The following NUDCD3 variants were observed in gnomAD, a reference collection of about 807,000 sequenced individuals.
The protein encoded by NUDCD3 is nudC domain-containing protein 3.
NUDCD3 carries 13 observed loss-of-function variants against 39.7 expected under a neutral mutation model. The ratio of observed to expected loss-of-function variants is 0.33; its 90% CI spans 0.21 to 0.52. NUDCD3 has a LOEUF of 0.52. NUDCD3 is among the 20% of genes least tolerant of loss of function. The pLI is 0.96. For missense variants in NUDCD3, 453 were observed against 458.1 expected (o/e 0.99, Z 0.10); for synonymous variants, 175 against 172.4 (o/e 1.02, Z -0.12).
In NUDCD3 at chr7:44,425,420, A is replaced by T. The variant is rs1020728042; in HGVS notation, c.642+2151T>A. 6.6e-5 allele frequency among the ~76,000 whole-genome samples: 10 copies of T among 152,280 alleles called. 1 individual carries two copies. The highest frequency in any genetic ancestry group is 5.8e-4 in the East Asian group (3 of 5,186). On this transcript the variant is annotated intron_variant, in intron 3 of 5. Coordinates refer to ENST00000355451, the MANE Select transcript of NUDCD3 (RefSeq NM_015332.4). ...GGATACAGTTTCTGGCATATATCAA[A>T]TTTTTTTATATTATGGATTTAAATT...
intron 2 of NUDCD3, among the ~76,000 whole-genome samples, chr7:44,459,757 G>C (rs1051385638): frequency 2.0e-5 from 3 of 152,182 alleles, no homozygotes; most frequent in Non-Finnish European, 4.4e-5. Context: ...GAGGACACAT[G>C]AGATTTGTAT....
chr7:44,427,731 A>G (rs772974756), intron 2 of NUDCD3, 28 bp from the exon 3 acceptor site: 2 of 1,610,506 alleles, frequency 1.2e-6, no homozygotes. Context: ...ATGTGATCCC[A>G]GTCAGCCATG....
At chr7:44,399,284 C>A (rs978664726) in intron 4 of NUDCD3, among the ~76,000 whole-genome samples, 38 of 152,242 alleles carry the variant, frequency 2.5e-4, no homozygotes, top group African/African-American at 9.2e-4. Flanking sequence ...CCTACTGGAA[C>A]TGATGAAGGA....
At chr7:44,408,192 A>G (rs911483059) in intron 3 of NUDCD3, among the ~76,000 whole-genome samples, 1 of 152,366 alleles carries the variant, frequency 6.6e-6, no homozygotes, top group South Asian at 2.1e-4. Context: ...AAACTGAGAA[A>G]TAAGTGAAAA....
At chr7:44,470,449 G>A (rs1298289188) in intron 2 of NUDCD3, among the ~76,000 whole-genome samples, 2 of 152,158 alleles carry the variant, frequency 1.3e-5, no homozygotes, top group Admixed American at 6.5e-5. Context: ...CTGCCTACAC[G>A]CCCAGGCTCG....
chr7:44,468,349 C>CAAAAAAAAAAAAAAAAAAGA, intron 2 of NUDCD3: 1 of 375,658 alleles, frequency 2.7e-6, no homozygotes. Context: ...GTAAAAACTG[C>CAAAAAAAAAAAAAAAAAAGA]AAAAAAAAAA....
At chr7:44,467,525 G>C (rs540341363) in intron 2 of NUDCD3, among the ~76,000 whole-genome samples, 1 of 152,220 alleles carries the variant, frequency 6.6e-6, no homozygotes, top group East Asian at 1.9e-4. Flanking sequence ...CCAGATCAAG[G>C]GACAAGTCAG....
chr7:44,425,773 G>A (rs1799221849), intron 3 of NUDCD3: 1 of 152,092 alleles, frequency 6.6e-6, no homozygotes, highest in African/African-American at 2.4e-5. Context: ...GGCTAAGGTG[G>A]GAGAATAGCT....
At chr7:44,465,664 A>G (rs1231672832) in intron 2 of NUDCD3, among the ~76,000 whole-genome samples, 1 of 152,218 alleles carries the variant, frequency 6.6e-6, no homozygotes, top group Non-Finnish European at 1.5e-5. Context: ...CCGGTACACC[A>G]GACACTGGTA....
chr7:44,468,730 G>A (rs1455779313), intron 2 of NUDCD3, among the ~76,000 whole-genome samples: 1 of 152,000 alleles, frequency 6.6e-6, no homozygotes, highest in Non-Finnish European at 1.5e-5. Context: ...TTGGAGAAAG[G>A]GTCCATTCCA....
At chr7:44,392,610 AG>A in intron 4 of NUDCD3, 125 bp from the exon 5 acceptor site, 1 of 785,196 alleles carries the variant, frequency 1.3e-6, no homozygotes, top group Non-Finnish European at 2.0e-6. Context: ...ACACAAAGGG[AG>A]GTGACAGACA....
At chr7:44,434,895 G>A (rs1165325826) in intron 2 of NUDCD3, among the ~76,000 whole-genome samples, 1 of 152,152 alleles carries the variant, frequency 6.6e-6, no homozygotes, top group African/African-American at 2.4e-5. Context: ...TAGCTGTGAG[G>A]AACAAACCAT....
chr7:44,393,824 C>A (rs1798567914), intron 4 of NUDCD3, among the ~76,000 whole-genome samples: 1 of 152,096 alleles, frequency 6.6e-6, no homozygotes, highest in Admixed American at 6.5e-5. Flanking sequence ...TGGGCAAAAC[C>A]TACCAAGCCA....
At chr7:44,421,838 C>T (rs1799147438) in intron 3 of NUDCD3, among the ~76,000 whole-genome samples, 1 of 152,174 alleles carries the variant, frequency 6.6e-6, no homozygotes, top group African/African-American at 2.4e-5. Flanking sequence ...AATATACATT[C>T]TTCTCAGCAC....
intron 2 of NUDCD3, among the ~76,000 whole-genome samples, chr7:44,445,845 A>C (rs1799681451): frequency 6.6e-6 from 1 of 152,248 alleles, no homozygotes; most frequent in African/African-American, 2.4e-5. Context: ...TACATCTTTC[A>C]AGAATTCCAG....
Position 44,385,653 on chromosome 7 carries a change from T to C in NUDCD3, c.*358A>G, listed in dbSNP as rs1052819751. On this transcript the variant is annotated 3_prime_UTR_variant, in exon 6 of 6. Transcript: ENST00000355451. Reference sequence around the variant, plus strand: ...CCAACCAGAAGACATGCAAGCAGAATAGCGTCAAAACAACAGCAAGCAGAG... The same window carrying C: ...CCAACCAGAAGACATGCAAGCAGAACAGCGTCAAAACAACAGCAAGCAGAG... 6 of 249,740 alleles carry C rather than the reference T, an allele frequency of 2.4e-5. No homozygotes were observed. The highest frequency in any genetic ancestry group is 1.5e-4 in the Admixed American group (3 of 19,602). 15.5% of individuals were successfully genotyped at this position (249,740 alleles called of 1,614,324 possible).
At position 44,388,760 on chromosome 7, in the gene NUDCD3, C is replaced by T. The variant is rs946722652; in HGVS notation, c.976-2639G>A. Among the ~76,000 whole-genome samples, 3 of 152,226 alleles carry T rather than the reference C, an allele frequency of 2.0e-5. No individual in the cohort carries two copies. In the East Asian group the frequency reaches 5.8e-4, roughly 29 times the overall value. ...AGAGGGTCACTCTGGGACCTACCCC[C>T]GCGCCACCAGCCCTGGGCTCCTGCA... On this transcript the variant is annotated intron_variant, in intron 5 of 5. Coordinates refer to ENST00000355451, the MANE Select transcript of NUDCD3 (RefSeq NM_015332.4).
chr7:44,485,228 T>A lies in NUDCD3; in HGVS notation c.249A>T (p.Glu83Asp), dbSNP rs1348718803. The change falls in exon 2 of 6, where the codon GAA becomes GAT. Residue 83 changes from glutamate (E) to aspartate (D), a missense_variant. Glu to Asp is a conservative substitution (Grantham distance 45). Transcript: ENST00000355451. Reference sequence around the variant, plus strand: ...CCTTTCTTCTGATTTTCTCTTCAAGTTCCTGCCTTCTCTTCTCATCATCCT... The same window carrying A: ...CCTTTCTTCTGATTTTCTCTTCAAGATCCTGCCTTCTCTTCTCATCATCCT... ...ARQDDEKRRQ[E>D]LEEKIRRKEE... is the part of the protein sequence containing the mutation. 1 of 1,614,186 alleles carries A rather than the reference T, an allele frequency of 6.2e-7. No homozygotes were observed. Among genetic ancestry groups the A allele is most frequent in the South Asian group, 1.1e-5 (1 of 91,090 alleles).
At chr7:44,430,627 C>T (rs1799346149) in intron 2 of NUDCD3, among the ~76,000 whole-genome samples, 1 of 151,454 alleles carries the variant, frequency 6.6e-6, no homozygotes, top group South Asian at 2.1e-4. Context: ...GGCCCCAGCA[C>T]TTGGCAGAGA....
Sources: gnomAD v4.1 joint callset for allele counts (sites outside exome capture counted in the v4.1 genomes callset) on GRCh38, gnomAD v4.1.1 for gene constraint, MANE v1.5 for transcripts, NCBI Gene and HGNC (gene_info 2026-07-23, HGNC 2026-07-21) for gene names.